The following PTPRT variants were observed in gnomAD, a reference collection of about 807,000 sequenced individuals.
The protein encoded by PTPRT is receptor-type tyrosine-protein phosphatase T.
In PTPRT, 56 loss-of-function variants were observed where a neutral mutation model predicts 176.8. The observed-to-expected ratio is 0.32, with a 90% confidence interval of 0.26 to 0.40. The LOEUF (loss-of-function observed/expected upper bound fraction) is 0.40. Ranked by LOEUF, PTPRT falls within the 10% of genes least tolerant of loss-of-function variation. The pLI is 1.00. For missense variants in PTPRT, 1,540 were observed against 1,908.2 expected (o/e 0.81, Z 3.60); for synonymous variants, 783 against 739.0 (o/e 1.06, Z -0.96).
At chr20:43,019,016 G>A (rs975504430) in intron 1 of PTPRT, among the ~76,000 whole-genome samples, 12 of 151,948 alleles carry the variant, frequency 7.9e-5, no homozygotes, top group Admixed American at 1.3e-4. Flanking sequence ...TCACATGCAC[G>A]TTTATCACAA....
intron 2 of PTPRT, among the ~76,000 whole-genome samples, chr20:42,846,885 T>G (rs1274034753): frequency 6.6e-6 from 1 of 152,202 alleles, no homozygotes; most frequent in Non-Finnish European, 1.5e-5. Context: ...GTAGGTACCC[T>G]AGTGCTGTGG....
At chr20:42,268,683 C>G (rs79535883) in intron 13 of PTPRT, among the ~76,000 whole-genome samples, 1,796 of 152,248 alleles carry the variant, frequency 0.012, 13 homozygotes, top group Middle Eastern at 0.02. Context: ...TAGTTTTGCA[C>G]GTGAAATAAG....
At chr20:42,350,368 A>G (rs1295650706) in intron 11 of PTPRT, among the ~76,000 whole-genome samples, 1 of 151,624 alleles carries the variant, frequency 6.6e-6, no homozygotes, top group Non-Finnish European at 1.5e-5. Flanking sequence ...AGCCGGTACT[A>G]CAGGCGTGTG....
intron 7 of PTPRT, among the ~76,000 whole-genome samples, chr20:42,561,330 G>T (rs1358929260): frequency 6.6e-6 from 1 of 152,220 alleles, no homozygotes; most frequent in Non-Finnish European, 1.5e-5. Context: ...AAGGGCAGAG[G>T]CTGGGCCGGG....
intron 1 of PTPRT, among the ~76,000 whole-genome samples, chr20:43,151,281 C>A (rs550828346): frequency 2.2e-4 from 32 of 147,478 alleles, no homozygotes; most frequent in African/African-American, 5.8e-4. Flanking sequence ...ACATTGCACT[C>A]CAACCTGGGC....
chr20:42,983,573 G>T (rs547049023), intron 1 of PTPRT, among the ~76,000 whole-genome samples: 4 of 152,336 alleles, frequency 2.6e-5, no homozygotes, highest in South Asian at 4.1e-4. Context: ...CACCAGCACA[G>T]AAGGTGTCTT....
intron 14 of PTPRT, among the ~76,000 whole-genome samples, chr20:42,238,878 C>G (rs2056296685): frequency 6.6e-6 from 1 of 152,082 alleles, no homozygotes; most frequent in African/African-American, 2.4e-5. Flanking sequence ...ACTAAACAGC[C>G]CTGAGTCCCA....
intron 16 of PTPRT, among the ~76,000 whole-genome samples, chr20:42,187,332 G>T (rs1990820798): frequency 6.6e-6 from 1 of 152,084 alleles, no homozygotes; most frequent in Non-Finnish European, 1.5e-5. Context: ...AGATGTGTTT[G>T]ATGTCTGGTG....
intron 6 of PTPRT, among the ~76,000 whole-genome samples, chr20:42,744,627 A>G (rs1321233226): frequency 3.3e-5 from 5 of 152,226 alleles, no homozygotes; most frequent in African/African-American, 2.4e-5. Context: ...AAGGCTTAGT[A>G]GCTTAACACA....
chr20:42,580,957 G>C (rs1007438918), intron 7 of PTPRT, among the ~76,000 whole-genome samples: 1 of 152,132 alleles, frequency 6.6e-6, no homozygotes, highest in African/African-American at 2.4e-5. Flanking sequence ...TAGGAGTGGT[G>C]AGAGAGGGCA....
chr20:43,115,223 G>C (rs1046269016), intron 1 of PTPRT, among the ~76,000 whole-genome samples: 1 of 152,130 alleles, frequency 6.6e-6, no homozygotes, highest in Non-Finnish European at 1.5e-5. Context: ...TCCTGCCCTA[G>C]AAGGCCCCAC....
At chr20:42,811,146 A>G (rs1013125920) in intron 2 of PTPRT, among the ~76,000 whole-genome samples, 3 of 152,354 alleles carry the variant, frequency 2.0e-5, no homozygotes, top group African/African-American at 7.2e-5. Flanking sequence ...GAAATGATAC[A>G]TATTCATTTT....
intron 16 of PTPRT, among the ~76,000 whole-genome samples, chr20:42,188,217 A>G (rs1990857592): frequency 6.6e-6 from 1 of 152,244 alleles, no homozygotes; most frequent in South Asian, 2.1e-4. Flanking sequence ...GCAGAAAGGA[A>G]GAGCTTCAGG....
intron 1 of PTPRT, among the ~76,000 whole-genome samples, chr20:43,117,085 G>T (rs757380607): frequency 6.6e-6 from 1 of 152,056 alleles, no homozygotes; most frequent in Non-Finnish European, 1.5e-5. Context: ...TCATGGCAAT[G>T]ACCAAAACAC....
intron 1 of PTPRT, among the ~76,000 whole-genome samples, chr20:43,184,041 T>C (rs2015329845): frequency 1.3e-5 from 2 of 152,244 alleles, no homozygotes; most frequent in African/African-American, 4.8e-5. Context: ...CTGGATTTTA[T>C]GGGGAGTGTC....
intron 1 of PTPRT, among the ~76,000 whole-genome samples, chr20:42,942,093 G>A (rs577060599): frequency 1.3e-5 from 2 of 152,336 alleles, no homozygotes; most frequent in South Asian, 4.1e-4. Flanking sequence ...CACTATGGCT[G>A]TAGTTGGAGT....
In PTPRT at chr20:42,189,612, C is replaced by T. The variant is rs143232899; in HGVS notation, c.2491+9628G>A. On this transcript the variant is annotated intron_variant, in intron 16 of 30. Coordinates refer to ENST00000373187, the MANE Select transcript of PTPRT (RefSeq NM_007050.6). ...ATGCAGAAATCAGATTAGGAGTCTA[C>T]AGAAAATATTACATAGAAGACAAAC... Among the ~76,000 whole-genome samples, 82 of 152,218 alleles carry T rather than the reference C, an allele frequency of 5.4e-4. No homozygotes were observed. In the East Asian group the frequency reaches 0.015, roughly 28 times the overall value.
At chr20:43,022,176 T>C (rs1985710585) in intron 1 of PTPRT, among the ~76,000 whole-genome samples, 1 of 152,214 alleles carries the variant, frequency 6.6e-6, no homozygotes, top group African/African-American at 2.4e-5. Flanking sequence ...ATGCGAAGAA[T>C]GCATATTGGG....
intron 1 of PTPRT, among the ~76,000 whole-genome samples, chr20:43,188,856 C>A (rs1340841906): frequency 0.037 from 2 of 54 alleles, no homozygotes; most frequent in Non-Finnish European, 0.091. Flanking sequence ...CCTTTAGGAG[C>A]ACGGCAGGCA....
Sources: gnomAD v4.1 joint callset for allele counts (sites outside exome capture counted in the v4.1 genomes callset) on GRCh38, gnomAD v4.1.1 for gene constraint, MANE v1.5 for transcripts, NCBI Gene and HGNC (gene_info 2026-07-23, HGNC 2026-07-21) for gene names.